The following CLTA variants were observed in gnomAD, a reference collection of about 807,000 sequenced individuals.
CLTA encodes clathrin, light polypeptide (Lca).
In CLTA, 9 loss-of-function variants were observed where a neutral mutation model predicts 26.9. That is an observed-to-expected ratio of 0.33 (90% CI 0.20 to 0.58). The LOEUF (loss-of-function observed/expected upper bound fraction) is 0.58. Among genes scored for constraint, CLTA ranks in the 20% least tolerant of loss-of-function variants. CLTA has a pLI of 0.85. For synonymous variants in CLTA, 120 were observed against 115.5 expected (o/e 1.04, Z -0.25); for missense variants, 278 against 294.2 (o/e 0.94, Z 0.40).
At position 36,191,122 on chromosome 9, in the gene CLTA, A is replaced by G. The variant is rs564423777; in HGVS notation, c.66A>G (p.Gly22=). 1.9e-6 allele frequency: 3 copies of G among 1,600,644 alleles called. No individual in the cohort carries two copies. The South Asian group carries it at 3.3e-5, about 18-fold the overall frequency. Residue 22 remains glycine, a synonymous_variant, in exon 1 of 5, where the codon GGA becomes GGG. Transcript: ENST00000345519. ...CTGGCGGTCCCGCGCTGGGGAACGG[A>G]GTGGCCGGCGCCGGCGAAGAAGACC... ...GAPGGPALGN[G]VAGAGEEDPA...
At chr9:36,193,048 T>C (rs889982782) in intron 1 of CLTA, among the ~76,000 whole-genome samples, 16 of 152,234 alleles carry the variant, frequency 1.1e-4, no homozygotes, top group Admixed American at 3.9e-4. Context: ...CTGACAGATC[T>C]TGGTGACGGG....
chr9:36,203,342 C>T (rs1483368343), intron 3 of CLTA, among the ~76,000 whole-genome samples: 2 of 152,196 alleles, frequency 1.3e-5, no homozygotes, highest in Non-Finnish European at 2.9e-5. Context: ...ACCCCCTGCA[C>T]TTCTCTCCAG....
At position 36,199,078 on chromosome 9, in the gene CLTA, G is replaced by T; in HGVS notation, c.355G>T (p.Glu119Ter). ...CCGTAAATGGAGAGAAGAACAAATG[G>T]AACGCTTGGAAGCCCTTGGTAAGGA... ...SIRKWREEQM[E>*]RLEALDANSR... Residue 119 changes from glutamate to a stop codon, truncating the protein, a stop_gained, in exon 3 of 5, where the codon GAA becomes TAA. Coordinates refer to ENST00000345519, the MANE Select transcript of CLTA (RefSeq NM_001833.4). LOFTEE classifies it high-confidence loss of function. 1 of 1,612,218 alleles carries T rather than the reference G, an allele frequency of 6.2e-7. No homozygotes were observed. The highest frequency in any genetic ancestry group is 1.1e-5 in the South Asian group (1 of 91,034).
At position 36,199,034 on chromosome 9, in the gene CLTA, A is replaced by C. The variant is rs572621866; in HGVS notation, c.311A>C (p.Gln104Pro). 1 of 1,614,136 alleles carries C rather than the reference A, an allele frequency of 6.2e-7. No individual in the cohort carries two copies. Among genetic ancestry groups the C allele is most frequent in the East Asian group, 2.2e-5 (1 of 44,884 alleles). The change falls in exon 3 of 5, where the codon CAG becomes CCG. Residue 104 changes from glutamine to proline, a missense_variant. Physicochemically the swap from Gln to Pro is moderately conservative, Grantham distance 76 (BLOSUM62 -1). Transcript: ENST00000345519. ...YAAISQVDRL[Q>P]SEPESIRKWR... ...GCTATTTCACAAGTGGATCGATTGC[A>C]GTCAGAGCCTGAAAGTATCCGTAAA...
intron 4 of CLTA, chr9:36,210,666 G>GT (rs1267493650): frequency 6.2e-7 from 1 of 1,614,164 alleles, no homozygotes; most frequent in East Asian, 2.2e-5. Flanking sequence ...GAACAGTTAA[G>GT]TAAACCTTTC....
At chr9:36,204,040 A>G (rs758359634) in intron 3 of CLTA, 28 bp from the exon 4 acceptor site, 8 of 1,613,196 alleles carry the variant, frequency 5.0e-6, no homozygotes, top group African/African-American at 1.3e-5. Flanking sequence ...CCTCAATTGT[A>G]TTGTCTTTCT....
At chr9:36,206,215 A>G (rs927358937) in intron 4 of CLTA, among the ~76,000 whole-genome samples, 1 of 152,158 alleles carries the variant, frequency 6.6e-6, no homozygotes, top group Non-Finnish European at 1.5e-5. Context: ...GAACTTCCCC[A>G]CTGCTCACTG....
At chr9:36,206,665 C>T (rs1322498816) in intron 4 of CLTA, among the ~76,000 whole-genome samples, 4 of 152,046 alleles carry the variant, frequency 2.6e-5, no homozygotes, top group Non-Finnish European at 4.4e-5. Context: ...GAGGCTGAGG[C>T]GGGCAGATCA....
chr9:36,197,622 G>T, intron 2 of CLTA, 34 bp downstream of exon 2: 1 of 1,505,200 alleles, frequency 6.6e-7, no homozygotes, highest in South Asian at 1.2e-5. Flanking sequence ...CATTGATAGT[G>T]ATTGAGAATC....
chr9:36,207,665 T>C (rs113652731), intron 4 of CLTA, among the ~76,000 whole-genome samples: 49 of 152,342 alleles, frequency 3.2e-4, no homozygotes, highest in African/African-American at 1.2e-3. Flanking sequence ...CTGTTTGTTC[T>C]GGGCCTGCAA....
intron 4 of CLTA, chr9:36,209,370 T>A (rs745710849): frequency 7.0e-7 from 1 of 1,421,212 alleles, no homozygotes; most frequent in Non-Finnish European, 9.9e-7. Context: ...TTTCTACTTT[T>A]GTTTAGAGTT....
In CLTA at chr9:36,199,049, G is replaced by T; in HGVS notation, c.326G>T (p.Ser109Ile). ...QVDRLQSEPE[S>I]IRKWREEQME... Reference sequence around the variant, plus strand: ...GATCGATTGCAGTCAGAGCCTGAAAGTATCCGTAAATGGAGAGAAGAACAA... The same window carrying T: ...GATCGATTGCAGTCAGAGCCTGAAATTATCCGTAAATGGAGAGAAGAACAA... The change falls in exon 3 of 5, where the codon AGT (serine) becomes ATT (isoleucine). Residue 109 changes from serine (S) to isoleucine (I), a missense_variant. Ser to Ile is a moderately radical substitution (Grantham distance 142). Transcript: ENST00000345519. 1 of 1,614,012 alleles carries T rather than the reference G, an allele frequency of 6.2e-7. No individual in the cohort carries two copies. The highest frequency in any genetic ancestry group is 2.2e-5 in the East Asian group (1 of 44,886).
In CLTA at chr9:36,191,262, CG is replaced by C; in HGVS notation, c.212del (p.Gly71ValfsTer8). On this transcript the variant is annotated frameshift_variant, in exon 1 of 5. Transcript: ENST00000345519. LOFTEE classifies it high-confidence loss of function. ...GGGCCCCAGCCGCACGGCGAGCCGC[CG>C]GGGGGTCCGGGTGAGAGTGCGGGCG... Reference protein sequence around the residue: ...APGPQPHGEPPGGPDAVDGVM... With the variant: ...APGPQPHGEPXGGPDAVDGVM... The C allele has an allele frequency of 3.9e-6, 6 of 1,524,734 alleles. No individual in the cohort carries two copies. Among genetic ancestry groups the C allele is most frequent in the Non-Finnish European group, 8.8e-7 (1 of 1,141,128 alleles). The allele number at this position is 1,524,734 out of a possible 1,614,324, so 94.5% of individuals were successfully genotyped here. A position where few individuals can be genotyped will look rare whatever the true frequency, so the allele number is the denominator to read the frequency against.
At chr9:36,202,847 A>T (rs1367563929) in intron 3 of CLTA, among the ~76,000 whole-genome samples, 1 of 150,062 alleles carries the variant, frequency 6.7e-6, no homozygotes, top group Admixed American at 6.7e-5. Context: ...TTTGAGACAG[A>T]GTCTCACTTT....
In CLTA at chr9:36,204,197, G is replaced by A. The variant is rs1462678192; in HGVS notation, c.485+18G>A. The A allele has an allele frequency of 6.2e-7, 1 of 1,601,550 alleles. No homozygotes were observed. Among genetic ancestry groups the A allele is most frequent in the African/African-American group, 1.3e-5 (1 of 74,448 alleles). ...AACAACAGGTCAGTCCGTGGTGGTTGTAGCACACTTTGTTTTCCAAAATTG... is the reference window on the plus strand; with the variant it reads ...AACAACAGGTCAGTCCGTGGTGGTTATAGCACACTTTGTTTTCCAAAATTG... On this transcript the variant is annotated intron_variant, in intron 4 of 4. Transcript: ENST00000345519.
intron 3 of CLTA, among the ~76,000 whole-genome samples, chr9:36,203,436 T>C (rs1302149725): frequency 6.6e-6 from 1 of 152,214 alleles, no homozygotes; most frequent in Non-Finnish European, 1.5e-5. Context: ...TGGTCCTCTC[T>C]AGTGCTAATA....
chr9:36,200,347 A>C, intron 3 of CLTA, among the ~76,000 whole-genome samples: 1 of 152,304 alleles, frequency 6.6e-6, no homozygotes, highest in African/African-American at 2.4e-5. Context: ...CACACACACA[A>C]ATTGTTTTGG....
chr9:36,203,668 T>G lies in CLTA; in HGVS notation c.374-400T>G, dbSNP rs1827553998. Among the ~76,000 whole-genome samples, 5 of 152,222 alleles carry G rather than the reference T, an allele frequency of 3.3e-5. No individual in the cohort carries two copies. The South Asian group carries it at 1.0e-3, about 32-fold the overall frequency. ...TATGAACTAATATTGGCAGCATTGG[T>G]AAAGAATCATCTATAATTGTTTCTC... is the stretch of plus-strand genomic sequence containing the variant. On this transcript the variant is annotated intron_variant, in intron 3 of 4. Transcript: ENST00000345519.
At chr9:36,195,559 G>A (rs1424280635) in intron 1 of CLTA, among the ~76,000 whole-genome samples, 2 of 151,982 alleles carry the variant, frequency 1.3e-5, no homozygotes, top group Non-Finnish European at 2.9e-5. Flanking sequence ...ACATGATCAA[G>A]CACAGTCCCT....
Sources: gnomAD v4.1 joint callset for allele counts (sites outside exome capture counted in the v4.1 genomes callset) on GRCh38, gnomAD v4.1.1 for gene constraint, MANE v1.5 for transcripts, NCBI Gene and HGNC (gene_info 2026-07-23, HGNC 2026-07-21) for gene names.